The following GRM1 variants were observed in gnomAD, a reference collection of about 807,000 sequenced individuals.
The protein encoded by GRM1 is glutamate metabotropic receptor 1, also known as metabotropic glutamate receptor 1.
GRM1 carries 33 observed loss-of-function variants against 90.9 expected under a neutral mutation model. That is an observed-to-expected ratio of 0.36 (90% CI 0.28 to 0.49). The LOEUF (loss-of-function observed/expected upper bound fraction) is 0.49, where lower values mean the gene tolerates loss of function less well. GRM1 is among the 20% of genes least tolerant of loss of function. The probability of loss-of-function intolerance (pLI) is 0.99; values close to 1 mark genes in which losing one functional copy is unlikely to be tolerated. For missense variants in GRM1, 1,190 were observed against 1,534.3 expected (o/e 0.78, Z 3.75); for synonymous variants, 700 against 613.2 (o/e 1.14, Z -2.09).
intron 2 of GRM1, among the ~76,000 whole-genome samples, chr6:146,274,425 T>C (rs1263667917): frequency 6.6e-6 from 1 of 152,214 alleles, no homozygotes; most frequent in Non-Finnish European, 1.5e-5. Flanking sequence ...GTAAAATAAT[T>C]TGTGGAAGTG....
intron 1 of GRM1, among the ~76,000 whole-genome samples, chr6:146,066,584 C>T (rs1321825859): frequency 1.3e-5 from 2 of 152,060 alleles, no homozygotes; most frequent in African/African-American, 2.4e-5. Flanking sequence ...AGTGGGATTG[C>T]TGGGTTGAAT....
intron 4 of GRM1, among the ~76,000 whole-genome samples, chr6:146,352,734 C>T (rs931459366): frequency 2.0e-5 from 3 of 152,190 alleles, no homozygotes; most frequent in Non-Finnish European, 2.9e-5. Context: ...GTGCCATCCC[C>T]TAACTCACCT....
chr6:146,042,625 T>C (rs1257957614), intron 1 of GRM1, among the ~76,000 whole-genome samples: 3 of 151,994 alleles, frequency 2.0e-5, no homozygotes, highest in Non-Finnish European at 2.9e-5. Context: ...AATTATTCAA[T>C]GAGGGAAATG....
intron 3 of GRM1, among the ~76,000 whole-genome samples, chr6:146,343,754 C>T (rs1376766947): frequency 6.6e-6 from 1 of 151,898 alleles, no homozygotes; most frequent in Non-Finnish European, 1.5e-5. Flanking sequence ...GCATCCTCTG[C>T]CTGCCTCCCG....
intron 2 of GRM1, among the ~76,000 whole-genome samples, chr6:146,221,816 T>C (rs1297789623): frequency 6.6e-6 from 1 of 152,222 alleles, no homozygotes; most frequent in Non-Finnish European, 1.5e-5. Flanking sequence ...TACACAGCCA[T>C]AAACCATTTG....
chr6:146,336,929 T>C (rs1784791196), intron 3 of GRM1, among the ~76,000 whole-genome samples: 2 of 152,256 alleles, frequency 1.3e-5, no homozygotes, highest in Non-Finnish European at 2.9e-5. Flanking sequence ...TTGCCCACTC[T>C]GGGTACCCTC....
chr6:146,191,455 C>G (rs1468647889), intron 2 of GRM1, among the ~76,000 whole-genome samples: 1 of 152,186 alleles, frequency 6.6e-6, no homozygotes, highest in Non-Finnish European at 1.5e-5. Context: ...GATTTGATTT[C>G]CAACTTAAGC....
intron 7 of GRM1, chr6:146,426,462 C>A (rs1778214269): frequency 8.9e-7 from 1 of 1,127,222 alleles, no homozygotes. Flanking sequence ...CAGAGCAAGG[C>A]TCAGGGCCAG....
chr6:146,232,322 A>G (rs1485662110), intron 2 of GRM1, among the ~76,000 whole-genome samples: 1 of 152,076 alleles, frequency 6.6e-6, no homozygotes, highest in Admixed American at 6.6e-5. Flanking sequence ...GTCTATCCAC[A>G]CATCATCATC....
At chr6:146,352,141 A>G (rs1049342324) in intron 3 of GRM1, 109 bp from the exon 4 acceptor site, 25 of 1,127,726 alleles carry the variant, frequency 2.2e-5, no homozygotes, top group Non-Finnish European at 3.1e-5. Flanking sequence ...TGCCAGTGTC[A>G]TTGCTCATTC....
chr6:146,246,716 A>C (rs1004808937), intron 2 of GRM1, among the ~76,000 whole-genome samples: 4 of 152,332 alleles, frequency 2.6e-5, no homozygotes, highest in Middle Eastern at 3.4e-3. Context: ...CCAATACATG[A>C]AATAGGTATC....
chr6:146,080,992 G>A (rs937929721), intron 1 of GRM1, among the ~76,000 whole-genome samples: 2 of 152,202 alleles, frequency 1.3e-5, no homozygotes, highest in African/African-American at 4.8e-5. Context: ...GCTCAGAGAT[G>A]GCAGGTCCTG....
In GRM1 at chr6:146,029,940, G is replaced by A; in HGVS notation, c.423G>A (p.Leu141=). The A allele has an allele frequency of 3.1e-6, 5 of 1,614,150 alleles. No individual in the cohort carries two copies. The highest frequency in any genetic ancestry group is 4.2e-6 in the Non-Finnish European group (5 of 1,180,018). The change falls in exon 1 of 8, where the codon CTG becomes CTA. Residue 141 remains leucine, a synonymous_variant. Coordinates refer to ENST00000282753, the MANE Select transcript of GRM1 (RefSeq NM_001278064.2). ...AGAAGGATGGGATCAACCGGTGTCT[G>A]CCTGACGGCCAGTCCCTCCCCCCAG... ...RDEKDGINRC[L]PDGQSLPPGR...
chr6:146,249,203 C>G (rs1781183709), intron 2 of GRM1, among the ~76,000 whole-genome samples: 1 of 152,124 alleles, frequency 6.6e-6, no homozygotes, highest in South Asian at 2.1e-4. Context: ...GAATTTAAGC[C>G]TGCTGCAGAA....
At chr6:146,201,901 A>G (rs1266253599) in intron 2 of GRM1, among the ~76,000 whole-genome samples, 3 of 152,206 alleles carry the variant, frequency 2.0e-5, no homozygotes, top group African/African-American at 4.8e-5. Context: ...AGTGCTCTCA[A>G]CCGCTGTGCA....
chr6:146,124,380 G>A (rs964338715), intron 1 of GRM1, among the ~76,000 whole-genome samples: 2 of 152,140 alleles, frequency 1.3e-5, no homozygotes, highest in Non-Finnish European at 2.9e-5. Context: ...GACATTAAAT[G>A]TTTGCACTGA....
chr6:146,293,488 T>A (rs965096883), intron 2 of GRM1, among the ~76,000 whole-genome samples: 5 of 152,034 alleles, frequency 3.3e-5, no homozygotes, highest in African/African-American at 1.2e-4. Flanking sequence ...ATATAGTCTC[T>A]TTTTATACCT....
intron 2 of GRM1, among the ~76,000 whole-genome samples, chr6:146,280,499 C>A (rs923615400): frequency 1.2e-4 from 18 of 152,146 alleles, no homozygotes; most frequent in African/African-American, 4.3e-4. Context: ...TAGTTGAATC[C>A]CTTAATATAC....
intron 2 of GRM1, among the ~76,000 whole-genome samples, chr6:146,185,205 T>C (rs1484433463): frequency 1.3e-5 from 2 of 152,186 alleles, no homozygotes; most frequent in African/African-American, 2.4e-5. Flanking sequence ...TGAACACATA[T>C]GAATTAAAAA....
Sources: allele counts gnomAD v4.1 joint callset (sites outside exome capture counted in the v4.1 genomes callset), GRCh38; gene constraint gnomAD v4.1.1; transcripts MANE v1.5; gene names NCBI Gene and HGNC (gene_info 2026-07-23, HGNC 2026-07-21).